TRPM2: variants seen among roughly 807,000 people sequenced by gnomAD.
The protein encoded by TRPM2 is transient receptor potential cation channel subfamily M member 2.
TRPM2 carries 161 observed loss-of-function variants against 174.0 expected under a neutral mutation model. The ratio of observed to expected loss-of-function variants is 0.93; its 90% CI spans 0.81 to 1.05. The LOEUF is 1.05. TRPM2 is among the 50% of genes least tolerant of loss of function. The pLI is 0.00. For synonymous variants in TRPM2, 954 were observed against 861.3 expected, an observed-to-expected ratio of 1.11 and a Z score of -1.88; for missense variants, 2,057 against 2,038.0, an observed-to-expected ratio of 1.01 and a Z score of -0.18.
At chr21:44,388,944 G>A (rs980424462) in intron 9 of TRPM2, among the ~76,000 whole-genome samples, 1 of 152,152 alleles carries the variant, frequency 6.6e-6, no homozygotes, top group Non-Finnish European at 1.5e-5. Context: ...ACTTTATGAA[G>A]GTTCAGCTTA....
chr21:44,404,108 TATGCACACATG>T (rs1401058997), intron 16 of TRPM2, among the ~76,000 whole-genome samples: 1 of 151,728 alleles, frequency 6.6e-6, no homozygotes, highest in African/African-American at 2.4e-5. Flanking sequence ...CATATATACA[TATGCACACATG>T]AATGAACATA....
chr21:44,406,968 G>GA lies in TRPM2; in HGVS notation c.2962+203_2962+204insA, dbSNP rs1179953926. Among the ~76,000 whole-genome samples the GA allele has an allele frequency of 1.0e-3, 155 of 149,978 alleles. 2 individuals are homozygous for GA. The highest frequency in any genetic ancestry group is 3.6e-3 in the African/African-American group (145 of 40,748). ...GGGGCCCCACCAGGGGAGGGAGGAGGGGGGCCTGGTGGGGGTGAGTGGTGC... is the reference window on the plus strand; with the variant it reads ...GGGGCCCCACCAGGGGAGGGAGGAGGAGGGGCCTGGTGGGGGTGAGTGGTGC... On this transcript the variant is annotated intron_variant, in intron 19 of 31. Coordinates refer to ENST00000397928, the MANE Select transcript of TRPM2 (RefSeq NM_003307.4).
chr21:44,399,699 A>C lies in TRPM2; in HGVS notation c.2208+258A>C, dbSNP rs1193815765. On this transcript the variant is annotated intron_variant, in intron 14 of 31. Coordinates refer to ENST00000397928, the MANE Select transcript of TRPM2 (RefSeq NM_003307.4). This position sits in a 1 kb window ranked among gnomAD's most constrained non-coding sequence, Gnocchi z 4.6. ...AATTCACCTCCCCATGGATGTTCCT[A>C]CCTGGGAGCGGCAGGCAGAAGCCCA... Among the ~76,000 whole-genome samples the C allele has an allele frequency of 6.6e-6, 1 of 152,052 alleles. No individual in the cohort carries two copies.
At chr21:44,410,478 G>T (rs1159240018) in intron 19 of TRPM2, among the ~76,000 whole-genome samples, 1 of 69,112 alleles carries the variant, frequency 1.4e-5, no homozygotes, top group African/African-American at 4.1e-5. Context: ...GCGTAGCCTT[G>T]TAGTAAGTTT....
In TRPM2 at chr21:44,438,411, T is replaced by C. The variant is rs1032597064; in HGVS notation, c.4168-656T>C. Among the ~76,000 whole-genome samples the C allele has an allele frequency of 6.6e-6, 1 of 152,216 alleles. No homozygotes were observed. The highest frequency in any genetic ancestry group is 6.5e-5 in the Admixed American group (1 of 15,286). ...CACTCTGAGGGGCCTCCTGGGTTCCTGGCTCTGTAGGGCACGCACGCTTGA... is the reference window on the plus strand; with the variant it reads ...CACTCTGAGGGGCCTCCTGGGTTCCCGGCTCTGTAGGGCACGCACGCTTGA... On this transcript the variant is annotated intron_variant, in intron 29 of 31. Transcript: ENST00000397928. The surrounding 1 kb of genome is among the most constrained non-coding windows in gnomAD (Gnocchi z 5.9).
rs147642181 is a variant in TRPM2, at chr21:44,440,824, G to A, written c.4305G>A (p.Thr1435=). The change falls in exon 31 of 32, where the codon ACG becomes ACA. Residue 1435 remains threonine (T), a synonymous_variant. Transcript: ENST00000397928. Reference sequence around the variant, plus strand: ...GCTACATGGATGACCCGAGGAACACGGACAATGCCTGGATCGAGACGGTGG... The same window carrying A: ...GCTACATGGATGACCCGAGGAACACAGACAATGCCTGGATCGAGACGGTGG... ...YKGYMDDPRN[T]DNAWIETVAV... The A allele has an allele frequency of 7.3e-5, 118 of 1,613,928 alleles. No individual in the cohort carries two copies. In the African/African-American group the frequency reaches 1.1e-3, roughly 15 times the overall value.
chr21:44,433,735 A>G (rs1159448734), intron 27 of TRPM2, among the ~76,000 whole-genome samples: 1 of 152,188 alleles, frequency 6.6e-6, no homozygotes, highest in Non-Finnish European at 1.5e-5. Context: ...CCCCCCGGCC[A>G]CAGAGGAGAC....
intron 5 of TRPM2, among the ~76,000 whole-genome samples, chr21:44,374,335 G>A (rs761600621): frequency 1.1e-4 from 17 of 152,072 alleles, no homozygotes; most frequent in African/African-American, 3.9e-4. Flanking sequence ...CTAAGGCAGC[G>A]GTCCCCAGCC....
At chr21:44,373,407 G>A (rs1474974313) in intron 5 of TRPM2, among the ~76,000 whole-genome samples, 3 of 152,056 alleles carry the variant, frequency 2.0e-5, no homozygotes, top group Admixed American at 1.3e-4. Context: ...GGCTGGTCTC[G>A]AACTCCTGAC....
chr21:44,411,942 G>A (rs948203245), intron 19 of TRPM2, among the ~76,000 whole-genome samples: 8 of 152,240 alleles, frequency 5.3e-5, no homozygotes, highest in African/African-American at 1.9e-4. Context: ...CCTGGGACAC[G>A]TCCCACTTGG....
At chr21:44,417,499 C>T (rs1355486594) in intron 20 of TRPM2, among the ~76,000 whole-genome samples, 2 of 103,096 alleles carry the variant, frequency 1.9e-5, no homozygotes, top group Admixed American at 9.3e-5. Flanking sequence ...ACAGTGGGCA[C>T]GTGGGCGTGG....
chr21:44,408,815 G>A (rs989098702), intron 19 of TRPM2, among the ~76,000 whole-genome samples: 2 of 151,888 alleles, frequency 1.3e-5, no homozygotes, highest in South Asian at 2.1e-4. Flanking sequence ...ACGCCACCAC[G>A]CCTGGCTAAT....
chr21:44,365,296 T>A (rs997514236), intron 3 of TRPM2, among the ~76,000 whole-genome samples: 4 of 152,222 alleles, frequency 2.6e-5, no homozygotes, highest in Non-Finnish European at 5.9e-5. Context: ...GGCACTGATC[T>A]CTGTGCTGGC....
Position 44,399,970 on chromosome 21 carries a change from A to T in TRPM2, c.2209-289A>T, listed in dbSNP as rs1335853859. Among the ~76,000 whole-genome samples, 1 of 152,044 alleles carries T rather than the reference A, an allele frequency of 6.6e-6. No individual in the cohort carries two copies. Among genetic ancestry groups the T allele is most frequent in the Admixed American group, 6.6e-5 (1 of 15,254 alleles). On this transcript the variant is annotated intron_variant, in intron 14 of 31. Transcript: ENST00000397928. The surrounding 1 kb of genome is among the most constrained non-coding windows in gnomAD (Gnocchi z 4.6). ...GTGCCAGGCCTAGGGAGGCCTGGGG[A>T]AGGGTCCTGTCCCCCACTGCAGAGC... is the stretch of plus-strand genomic sequence containing the variant.
intron 23 of TRPM2, among the ~76,000 whole-genome samples, chr21:44,424,399 C>T (rs940147257): frequency 4.6e-5 from 7 of 152,220 alleles, no homozygotes; most frequent in Admixed American, 3.3e-4. Context: ...CTGAGCCACA[C>T]GAGTGAGACA....
At position 44,425,724 on chromosome 21, in the gene TRPM2, C is replaced by A; in HGVS notation, c.3692C>A (p.Thr1231Lys). 2 of 1,573,174 alleles carry A rather than the reference C, an allele frequency of 1.3e-6. No homozygotes were observed. The highest frequency in any genetic ancestry group is 1.7e-6 in the Non-Finnish European group (2 of 1,157,038). Residue 1231 changes from threonine (T) to lysine (K), a missense_variant, in exon 25 of 32, where the codon ACG becomes AAG. Physicochemically the swap from Thr to Lys is moderately conservative, Grantham distance 78. Coordinates refer to ENST00000397928, the MANE Select transcript of TRPM2 (RefSeq NM_003307.4). ...GCTGAGCCGGGAGGCAGGAAGAAGA[C>A]GGAGGAGCCGGGCGACAGCTACCAC... Reference protein sequence around the residue: ...PDAEPGGRKKTEEPGDSYHVN... With the variant: ...PDAEPGGRKKKEEPGDSYHVN...
rs1359980906 is a variant in TRPM2 at position 44,438,004 on chromosome 21, G to A, written c.4167+837G>A. Among the ~76,000 whole-genome samples, 5 of 152,262 alleles carry A rather than the reference G, an allele frequency of 3.3e-5. No individual in the cohort carries two copies. Among genetic ancestry groups the A allele is most frequent in the Admixed American group, 6.5e-5 (1 of 15,290 alleles). On this transcript the variant is annotated intron_variant, in intron 29 of 31. Coordinates refer to ENST00000397928, the MANE Select transcript of TRPM2 (RefSeq NM_003307.4). This position sits in a 1 kb window ranked among gnomAD's most constrained non-coding sequence, Gnocchi z 5.9. ...GAAGCTGTTGCATTTCTCTGACCCC[G>A]AGCTCACGGCCTGGTGGCTGCCTCT...
At position 44,382,725 on chromosome 21, in the gene TRPM2, A is replaced by G. The variant is rs753721235; in HGVS notation, c.1223A>G (p.Asp408Gly). The G allele has an allele frequency of 3.7e-6, 6 of 1,613,934 alleles. No homozygotes were observed. The South Asian group carries it at 4.4e-5, about 12-fold the overall frequency. Residue 408 changes from aspartate (D) to glycine (G), a missense_variant, in exon 9 of 32, where the codon GAT becomes GGT. Physicochemically the swap from Asp to Gly is moderately conservative, Grantham distance 94 (BLOSUM62 -1). Transcript: ENST00000397928. ...AGAAAATGCTTGTTGCAGATCCAAG[A>G]TATCGTCCGGAGGCGGCAGCTGCTG... ...RIVEWTKKIQDIVRRRQLLTV... is the reference protein window; with the variant it reads ...RIVEWTKKIQGIVRRRQLLTV...
chr21:44,428,548 C>T (rs1430571535), intron 27 of TRPM2, among the ~76,000 whole-genome samples: 1 of 147,784 alleles, frequency 6.8e-6, no homozygotes, highest in Non-Finnish European at 1.5e-5. Flanking sequence ...GGTGTGACTC[C>T]TCCCCTTAGG....
Sources: allele counts gnomAD v4.1 joint callset (sites outside exome capture counted in the v4.1 genomes callset), GRCh38; gene constraint gnomAD v4.1.1; non-coding constraint Gnocchi (gnomAD v3.1); transcripts MANE v1.5; gene names NCBI Gene and HGNC (gene_info 2026-07-23, HGNC 2026-07-21).